Variants in PTGES3L observed in about 807,000 individuals in gnomAD.
PTGES3L encodes the protein prostaglandin E synthase 3 like.
Under a neutral mutation model 25.0 loss-of-function variants are expected in PTGES3L, and 17 were observed. The ratio of observed to expected loss-of-function variants is 0.68; its 90% CI spans 0.47 to 1.02. The LOEUF (loss-of-function observed/expected upper bound fraction) is 1.02. PTGES3L is among the 50% of genes least tolerant of loss of function. The probability of loss-of-function intolerance (pLI) is 0.00; values close to 1 mark genes in which losing one functional copy is unlikely to be tolerated. For missense variants in PTGES3L, 202 were observed against 197.5 expected, an observed-to-expected ratio of 1.02 and a Z score of -0.14; for synonymous variants, 59 against 65.7, an observed-to-expected ratio of 0.90 and a Z score of 0.50.
intron 4 of PTGES3L, 81 bp from the exon 5 acceptor site, chr17:42,971,777 A>T: frequency 6.8e-7 from 1 of 1,473,642 alleles, no homozygotes. Context: ...TATGCATGGG[A>T]GCACGCCTGG....
chr17:42,979,878 A>AG, intron 1 of PTGES3L, 168 bp downstream of exon 1: 1 of 1,443,012 alleles, frequency 6.9e-7, no homozygotes, highest in East Asian at 2.5e-5. Context: ...GGAAACTAGG[A>AG]GGTCAGGGAG....
chr17:42,972,247 A>G (rs922231743), intron 4 of PTGES3L: 46 of 153,740 alleles, frequency 3.0e-4, no homozygotes, highest in South Asian at 1.5e-3. Context: ...GACTGAGGAG[A>G]CAACACATCT....
In PTGES3L at chr17:42,972,920, C is replaced by T. The variant is rs1344837921; in HGVS notation, c.289-1224G>A. ...GCCATCACATCTAGGAAGTGATGAG[C>T]GTCTCTGCCCGGCCACCCATCGTCT... On this transcript the variant is annotated intron_variant, in intron 4 of 6. Coordinates refer to ENST00000591916, the MANE Select transcript of PTGES3L (RefSeq NM_001261430.2). Among the ~76,000 whole-genome samples, 100 of 145,960 alleles carry T rather than the reference C, an allele frequency of 6.9e-4. No homozygotes were observed. The Middle Eastern group carries it at 0.011, about 16-fold the overall frequency.
chr17:42,979,425 C>T lies in PTGES3L; in HGVS notation c.142G>A (p.Val48Met). 2 of 1,614,174 alleles carry T rather than the reference C, an allele frequency of 1.2e-6. No individual in the cohort carries two copies. The highest frequency in any genetic ancestry group is 1.7e-6 in the Non-Finnish European group (2 of 1,180,034). Residue 48 changes from valine (V) to methionine (M), a missense_variant, in exon 3 of 7, where the codon GTG (valine) becomes ATG (methionine). By Grantham distance (21) the Val-to-Met change is conservative (BLOSUM62 1). Coordinates refer to ENST00000591916, the MANE Select transcript of PTGES3L (RefSeq NM_001261430.2). ...AACTCAATCTCATTGTACAACTCCACTCCATCGGCATTCTTGCAGCTGAGG... is the reference window on the plus strand; with the variant it reads ...AACTCAATCTCATTGTACAACTCCATTCCATCGGCATTCTTGCAGCTGAGG... ...IVFSCKNADG[V>M]ELYNEIEFYA...
intron 4 of PTGES3L, among the ~76,000 whole-genome samples, chr17:42,976,321 T>C (rs1406145715): frequency 6.6e-6 from 1 of 152,180 alleles, no homozygotes; most frequent in Non-Finnish European, 1.5e-5. Context: ...TTTTAGAAGA[T>C]GCACATTTTT....
intron 1 of PTGES3L, 33 bp from the exon 2 acceptor site, chr17:42,979,696 G>A (rs763371393): frequency 8.9e-5 from 143 of 1,604,982 alleles, no homozygotes; most frequent in Non-Finnish European, 1.1e-4. Context: ...CTTCATAGGG[G>A]TGGGAGAGGG....
intron 5 of PTGES3L, among the ~76,000 whole-genome samples, chr17:42,971,251 G>A (rs973839959): frequency 1.3e-5 from 2 of 150,486 alleles, no homozygotes; most frequent in South Asian, 4.2e-4. Context: ...AGCTGAGATC[G>A]CGCCATTGCA....
At chr17:42,971,923 C>T in intron 4 of PTGES3L, 1 of 483,406 alleles carries the variant, frequency 2.1e-6, no homozygotes. Context: ...GGCGTGGTGG[C>T]TCATGCCTGT....
At chr17:42,972,798 A>G in intron 4 of PTGES3L, among the ~76,000 whole-genome samples, 1 of 138,718 alleles carries the variant, frequency 7.2e-6, no homozygotes, top group Non-Finnish European at 1.6e-5. Context: ...CTGGGATGTG[A>G]GGAGCCCCTC....
chr17:42,975,126 A>G (rs952143426), intron 4 of PTGES3L, among the ~76,000 whole-genome samples: 1 of 104,764 alleles, frequency 9.5e-6, no homozygotes, highest in Non-Finnish European at 1.8e-5. Flanking sequence ...ACAGTACGAC[A>G]TCCTGTCTCA....
chr17:42,979,579 C>T lies in PTGES3L; in HGVS notation c.93G>A (p.Val31=), dbSNP rs1484210458. ...ACACAATGCGGTGATCCTCAATAAGCACGTGGACATCGGTGCTGTCCTCAA... is the reference window on the plus strand; with the variant it reads ...ACACAATGCGGTGATCCTCAATAAGTACGTGGACATCGGTGCTGTCCTCAA... ...FCVEDSTDVH[V]LIEDHRIVFS... is the part of the protein sequence containing the mutation. The change falls in exon 2 of 7, where the codon GTG becomes GTA. Residue 31 remains valine, a synonymous_variant. Transcript: ENST00000591916. 1 of 1,614,134 alleles carries T rather than the reference C, an allele frequency of 6.2e-7. No individual in the cohort carries two copies. The highest frequency in any genetic ancestry group is 1.1e-5 in the South Asian group (1 of 91,070).
intron 4 of PTGES3L, among the ~76,000 whole-genome samples, chr17:42,972,993 G>A (rs1293682227): frequency 2.8e-5 from 4 of 142,218 alleles, no homozygotes; most frequent in South Asian, 4.6e-4. Flanking sequence ...GGGATGTGAG[G>A]AGCGCCTCTG....
intron 4 of PTGES3L, 94 bp from the exon 5 acceptor site, chr17:42,971,790 A>G (rs143489246): frequency 7.7e-7 from 1 of 1,301,810 alleles, no homozygotes; most frequent in African/African-American, 1.5e-5. Context: ...ACGCCTGGGG[A>G]AAAGAGGGTC....
intron 4 of PTGES3L, among the ~76,000 whole-genome samples, chr17:42,973,406 C>T (rs1338266785): frequency 6.8e-6 from 1 of 147,754 alleles, no homozygotes; most frequent in African/African-American, 2.5e-5. Flanking sequence ...GCCGCCCCGT[C>T]CGGGAGGTGA....
chr17:42,974,987 T>C (rs186393292), intron 4 of PTGES3L, among the ~76,000 whole-genome samples: 85 of 151,732 alleles, frequency 5.6e-4, no homozygotes, highest in Non-Finnish European at 1.1e-3. Context: ...AATACAAAAA[T>C]TAGCCAGGCA....
In PTGES3L at chr17:42,971,699, G is replaced by T. The variant is rs780390816; in HGVS notation, c.289-3C>A. 2 of 1,613,938 alleles carry T rather than the reference G, an allele frequency of 1.2e-6. No individual in the cohort carries two copies. The highest frequency in any genetic ancestry group is 4.5e-5 in the East Asian group (2 of 44,862). ...AAGTCCACAGACAGCCACACTGGCT[G>T]CAAGAAGAGGCACCAAGAGTCACAG... On this transcript the variant is annotated splice_region_variant and splice_polypyrimidine_tract_variant and intron_variant, in intron 4 of 6. Coordinates refer to ENST00000591916, the MANE Select transcript of PTGES3L (RefSeq NM_001261430.2).
At position 42,979,657 on chromosome 17, in the gene PTGES3L, G is replaced by T. The variant is rs765407314; in HGVS notation, c.15C>A (p.His5Gln). 2 of 1,613,802 alleles carry T rather than the reference G, an allele frequency of 1.2e-6. No individual in the cohort carries two copies. The highest frequency in any genetic ancestry group is 1.3e-5 in the African/African-American group (1 of 74,928). Reference protein sequence around the residue: MARQHARTLWYDRPR... With the variant: MARQQARTLWYDRPR... ...GCCTGTCGTACCACAAGGTCCGGGC[G>T]TGCTGCCTGAAGAGAAGTTGAGGTG... The change falls in exon 2 of 7, where the codon CAC becomes CAA. Residue 5 changes from histidine (H) to glutamine (Q), a missense_variant. Transcript: ENST00000591916.
In PTGES3L at chr17:42,979,398, A is replaced by G; in HGVS notation, c.169T>C (p.Tyr57His). 1 of 1,614,204 alleles carries G rather than the reference A, an allele frequency of 6.2e-7. No homozygotes were observed. The highest frequency in any genetic ancestry group is 8.5e-7 in the Non-Finnish European group (1 of 1,180,036). The change falls in exon 3 of 7, where the codon TAT (tyrosine) becomes CAT (histidine). Residue 57 changes from tyrosine to histidine, a missense_variant. Tyr to His is a moderately conservative substitution (Grantham distance 83). Transcript: ENST00000591916. ...GVELYNEIEFYAKVNSKDSQD... is the reference protein window; with the variant it reads ...GVELYNEIEFHAKVNSKDSQD... ...CTTACCTTGGAGTTCACTTTGGCATAGAACTCAATCTCATTGTACAACTCC... is the reference window on the plus strand; with the variant it reads ...CTTACCTTGGAGTTCACTTTGGCATGGAACTCAATCTCATTGTACAACTCC...
intron 4 of PTGES3L, among the ~76,000 whole-genome samples, chr17:42,977,668 G>GGGGA (rs748087432): frequency 7.1e-6 from 1 of 139,994 alleles, no homozygotes; most frequent in Non-Finnish European, 1.5e-5. Context: ...AGGAAGGGAG[G>GGGGA]GAGAGAGAGA....
Sources: allele counts gnomAD v4.1 joint callset (sites outside exome capture counted in the v4.1 genomes callset), GRCh38; gene constraint gnomAD v4.1.1; transcripts MANE v1.5; gene names NCBI Gene and HGNC (gene_info 2026-07-23, HGNC 2026-07-21).